ARHGAP23: variants seen among roughly 807,000 people sequenced by gnomAD.
ARHGAP23 encodes the protein Rho GTPase activating protein 23.
In ARHGAP23, 34 loss-of-function variants were observed where a neutral mutation model predicts 136.3. The observed-to-expected ratio is 0.25, with a 90% CI of 0.19 to 0.33. ARHGAP23 has a LOEUF of 0.33. Among genes scored for constraint, ARHGAP23 ranks in the 10% least tolerant of loss-of-function variants. ARHGAP23 has a pLI of 1.00. For missense variants in ARHGAP23, 1,808 were observed against 2,139.0 expected (o/e 0.85, Z 3.05); for synonymous variants, 832 against 920.5 (o/e 0.90, Z 1.74).
chr17:38,494,987 AG>A (rs888110825), intron 20 of ARHGAP23, among the ~76,000 whole-genome samples: 21 of 152,316 alleles, frequency 1.4e-4, no homozygotes, highest in African/African-American at 4.3e-4. Context: ...TCCCCTGGTC[AG>A]CCTGTCTCTG....
intron 1 of ARHGAP23, among the ~76,000 whole-genome samples, chr17:38,432,638 C>T (rs1018458517): frequency 1.3e-5 from 2 of 151,754 alleles, no homozygotes; most frequent in Admixed American, 6.6e-5. Flanking sequence ...AAGATCACGC[C>T]ATTGCATTCT....
At chr17:38,465,901 G>A (rs935456661) in intron 6 of ARHGAP23, among the ~76,000 whole-genome samples, 1 of 152,120 alleles carries the variant, frequency 6.6e-6, no homozygotes, top group Non-Finnish European at 1.5e-5. Flanking sequence ...GAATGTTTGT[G>A]GCTAGGGCAG....
At chr17:38,425,420 T>G (rs958394141), upstream of ARHGAP23, among the ~76,000 whole-genome samples, 9 of 152,150 alleles carry the variant, frequency 5.9e-5, no homozygotes, top group African/African-American at 2.2e-4. Flanking sequence ...CCGAATGTGC[T>G]CCTGTGCTGG....
chr17:38,469,956 A>AGGGTGT, intron 10 of ARHGAP23, 52 bp downstream of exon 10: 3 of 1,540,954 alleles, frequency 1.9e-6, no homozygotes, highest in Non-Finnish European at 2.6e-6. Flanking sequence ...GTGGGGAGAG[A>AGGGTGT]GGGTGTCAGG....
At chr17:38,480,709 C>A (rs985514986) in intron 14 of ARHGAP23, among the ~76,000 whole-genome samples, 1 of 148,738 alleles carries the variant, frequency 6.7e-6, no homozygotes, top group African/African-American at 2.5e-5. Context: ...GAGGCTGAGA[C>A]ACGAGAATCA....
intron 1 of ARHGAP23, among the ~76,000 whole-genome samples, chr17:38,434,576 G>A (rs543678563): frequency 1.2e-3 from 189 of 152,336 alleles, no homozygotes; most frequent in African/African-American, 3.3e-3. Context: ...GAGGTTGGTC[G>A]GAGGTGTGTG....
chr17:38,477,517 A>G lies in ARHGAP23; in HGVS notation c.2119-62A>G. ...GCTGTCCTCTGTCTGCTACTCTGAG[A>G]GCAGTGGGCAAAACTGGCCTCTCAC... On this transcript the variant is annotated intron_variant, in intron 11 of 23. Coordinates refer to ENST00000622683, the MANE Select transcript of ARHGAP23 (RefSeq NM_001199417.2). The surrounding 1 kb of genome is among the most constrained non-coding windows in gnomAD (Gnocchi z 6.6). 8.4e-7 allele frequency: 1 copy of G among 1,183,880 alleles called. No individual in the cohort carries two copies. The highest frequency in any genetic ancestry group is 2.8e-5 in the South Asian group (1 of 35,378). 73.3% of individuals were successfully genotyped at this position (1,183,880 alleles called of 1,614,324 possible).
intron 23 of ARHGAP23, among the ~76,000 whole-genome samples, chr17:38,506,535 C>T (rs1488150783): frequency 6.6e-6 from 1 of 152,314 alleles, no homozygotes; most frequent in East Asian, 1.9e-4. Context: ...GTTAGAAGTC[C>T]AAGATCAAGG....
At chr17:38,455,351 G>C (rs1361625314) in intron 1 of ARHGAP23, among the ~76,000 whole-genome samples, 1 of 152,208 alleles carries the variant, frequency 6.6e-6, no homozygotes, top group African/African-American at 2.4e-5. Flanking sequence ...CTAGTTGGAA[G>C]AGGTGGGAGG....
chr17:38,433,919 AT>A (rs1181056711), intron 1 of ARHGAP23, among the ~76,000 whole-genome samples: 1 of 152,152 alleles, frequency 6.6e-6, no homozygotes, highest in African/African-American at 2.4e-5. Flanking sequence ...TTGCGTCATC[AT>A]CCTCGTGCCT....
At chr17:38,467,789 C>G (rs770120853) in intron 7 of ARHGAP23, among the ~76,000 whole-genome samples, 2 of 152,190 alleles carry the variant, frequency 1.3e-5, no homozygotes, top group African/African-American at 4.8e-5. Flanking sequence ...ACCCATTCAT[C>G]CATCTTTCTT....
intron 20 of ARHGAP23, among the ~76,000 whole-genome samples, chr17:38,497,544 C>T (rs149242148): frequency 6.6e-6 from 1 of 152,346 alleles, no homozygotes; most frequent in Non-Finnish European, 1.5e-5. Flanking sequence ...CACTCCCTGC[C>T]GTGTCTCCTC....
chr17:38,509,531 G>A (rs893152641), intron 23 of ARHGAP23, among the ~76,000 whole-genome samples: 3 of 152,154 alleles, frequency 2.0e-5, no homozygotes, highest in South Asian at 2.1e-4. Flanking sequence ...CCCTGGCGGG[G>A]ATTTGGGGAT....
At position 38,466,659 on chromosome 17, in the gene ARHGAP23, C is replaced by A; in HGVS notation, c.976C>A (p.Pro326Thr). 1 of 1,512,390 alleles carries A rather than the reference C, an allele frequency of 6.6e-7. No homozygotes were observed. Among genetic ancestry groups the A allele is most frequent in the Non-Finnish European group, 8.8e-7 (1 of 1,133,002 alleles). The allele number at this position is 1,512,390 out of a possible 1,614,324, so 93.7% of individuals were successfully genotyped here. A position where few individuals can be genotyped will look rare whatever the true frequency, so the allele number is the denominator to read the frequency against. The change falls in exon 7 of 24, where the codon CCC becomes ACC. Residue 326 changes from proline (P) to threonine (T), a missense_variant. By Grantham distance (38) the Pro-to-Thr change is conservative. Coordinates refer to ENST00000622683, the MANE Select transcript of ARHGAP23 (RefSeq NM_001199417.2). ...GGACCGGTTGGAGGAGGTGGCTGCC[C>A]CCCGCCCGTGGCCCTGCTCCACCTC... Reference protein sequence around the residue: ...SQDRLEEVAAPRPWPCSTSQD... With the variant: ...SQDRLEEVAATRPWPCSTSQD...
At chr17:38,447,299 G>C (rs898385359) in intron 1 of ARHGAP23, among the ~76,000 whole-genome samples, 1 of 151,716 alleles carries the variant, frequency 6.6e-6, no homozygotes, top group Non-Finnish European at 1.5e-5. Flanking sequence ...AAATTTAGCC[G>C]GGCGTGGTGG....
At chr17:38,440,325 T>C (rs1047946109) in intron 1 of ARHGAP23, among the ~76,000 whole-genome samples, 1 of 152,200 alleles carries the variant, frequency 6.6e-6, no homozygotes, top group Non-Finnish European at 1.5e-5. Flanking sequence ...AGGCTCTGCT[T>C]AGGAACTTTT....
Position 38,510,322 on chromosome 17 carries a change from G to T in ARHGAP23, c.3826G>T (p.Asp1276Tyr). 2.4e-6 allele frequency: 3 copies of T among 1,262,678 alleles called. No individual in the cohort carries two copies. The highest frequency in any genetic ancestry group is 3.0e-6 in the Non-Finnish European group (3 of 1,005,054). The allele number at this position is 1,262,678 out of a possible 1,614,324, so 78.2% of individuals were successfully genotyped here. A position where few individuals can be genotyped will look rare whatever the true frequency, so the allele number is the denominator to read the frequency against. Reference sequence around the variant, plus strand: ...GCGGGCAGGGGCGGGGGATGAGGCGGACGACGAGCGTAGCGAGCTGAGCCA... The same window carrying T: ...GCGGGCAGGGGCGGGGGATGAGGCGTACGACGAGCGTAGCGAGCTGAGCCA... ...GRRAGAGDEADDERSELSHVE... is the reference protein window; with the variant it reads ...GRRAGAGDEAYDERSELSHVE... Residue 1276 changes from aspartate to tyrosine, a missense_variant, in exon 24 of 24, where the codon GAC becomes TAC. This residue lies in a region of ARHGAP23 where 506 missense variants were observed against 455.8 expected (regional missense o/e 1.11). Transcript: ENST00000622683. The surrounding 1 kb of genome is among the most constrained non-coding windows in gnomAD (Gnocchi z 4.6).
intron 11 of ARHGAP23, among the ~76,000 whole-genome samples, chr17:38,476,429 C>G (rs2039892763): frequency 6.6e-6 from 1 of 152,054 alleles, no homozygotes; most frequent in Non-Finnish European, 1.5e-5. Flanking sequence ...GATGGATTGA[C>G]TGGGCTGGAA....
At chr17:38,467,777 C>T (rs924105671) in intron 7 of ARHGAP23, among the ~76,000 whole-genome samples, 3 of 152,180 alleles carry the variant, frequency 2.0e-5, no homozygotes, top group Non-Finnish European at 4.4e-5. Context: ...ATCCTTTCTT[C>T]CACCCATTCA....
Sources: gnomAD v4.1 joint callset for allele counts (sites outside exome capture counted in the v4.1 genomes callset) on GRCh38, gnomAD v4.1.1 for gene constraint, gnomAD v4.1.1 regional missense constraint, Gnocchi (gnomAD v3.1) non-coding constraint, MANE v1.5 for transcripts, NCBI Gene and HGNC (gene_info 2026-07-23, HGNC 2026-07-21) for gene names.